MYH9: variants seen among roughly 807,000 people sequenced by gnomAD.
MYH9 encodes myosin heavy chain 9, also known as myosin-9.
A neutral mutation model predicts 241.9 loss-of-function variants in MYH9; 29 were observed. The ratio of observed to expected loss-of-function variants is 0.12; its 90% CI spans 0.09 to 0.16. The LOEUF (loss-of-function observed/expected upper bound fraction) is 0.16. MYH9 is among the 10% of genes least tolerant of loss of function. The probability of loss-of-function intolerance (pLI) is 1.00; values close to 1 mark genes in which losing one functional copy is unlikely to be tolerated. For synonymous variants in MYH9, 1,047 were observed against 1,062.6 expected, an observed-to-expected ratio of 0.99 and a Z score of 0.29; for missense variants, 1,803 against 2,595.5, an observed-to-expected ratio of 0.69 and a Z score of 6.63.
chr22:36,338,278 G>A (rs2017529998), intron 3 of MYH9, among the ~76,000 whole-genome samples: 1 of 151,936 alleles, frequency 6.6e-6, no homozygotes, highest in Non-Finnish European at 1.5e-5. Flanking sequence ...GGGATTACAG[G>A]TGTAAGCCAC....
At chr22:36,341,249 C>A (rs1348325149) in intron 3 of MYH9, 121 bp downstream of exon 3, 4 of 1,258,888 alleles carry the variant, frequency 3.2e-6, no homozygotes, top group Non-Finnish European at 4.6e-6. Context: ...CTCCATGATG[C>A]ACTGCCCATC....
chr22:36,360,033 C>CCACCACCAT (rs1260838646), intron 1 of MYH9, among the ~76,000 whole-genome samples: 1 of 127,766 alleles, frequency 7.8e-6, no homozygotes, highest in Non-Finnish European at 1.7e-5. Flanking sequence ...AGGACAAACA[C>CCACCACCAT]CACCACCACC....
intron 5 of MYH9, among the ~76,000 whole-genome samples, chr22:36,324,600 A>G (rs923592656): frequency 5.3e-5 from 8 of 152,240 alleles, no homozygotes; most frequent in Admixed American, 2.0e-4. Context: ...GGGAGGGTCA[A>G]CTCGGTCACT....
Position 36,300,842 on chromosome 22 carries a change from G to A in MYH9, c.2838+9C>T, listed in dbSNP as rs756525356. 2.5e-6 allele frequency: 4 copies of A among 1,599,984 alleles called. No homozygotes were observed. The South Asian group carries it at 3.3e-5, about 13-fold the overall frequency. ...GCGCCACCCCTCCCCGGGTGCAGCG[G>A]GCAGGAACCTGGATGTTCTGCTGCA... is the stretch of plus-strand genomic sequence containing the variant. On this transcript the variant is annotated intron_variant, in intron 22 of 40. Transcript: ENST00000216181. The surrounding 1 kb of genome is among the most constrained non-coding windows in gnomAD (Gnocchi z 5.0).
In MYH9 at chr22:36,291,996, T is replaced by C. The variant is rs748363414; in HGVS notation, c.4334A>G (p.Lys1445Arg). The C allele has an allele frequency of 1.2e-6, 2 of 1,614,192 alleles. No homozygotes were observed. Among genetic ancestry groups the C allele is most frequent in the South Asian group, 2.2e-5 (2 of 91,086 alleles). The change falls in exon 31 of 41, where the codon AAG becomes AGG. Residue 1445 changes from lysine to arginine, a missense_variant. Lys to Arg is a conservative substitution (Grantham distance 26). Around this residue, in one of 11 missense-constraint regions of MYH9, gnomAD observed 876 missense variants for 1,077.8 expected, o/e 0.81. Coordinates refer to ENST00000216181, the MANE Select transcript of MYH9 (RefSeq NM_002473.6). ...CCAACGGCCACACACCTGGTCAAAC[T>C]TCTTCTGCTTCTTCTCCAGGTTGCA... ...SACNLEKKQK[K>R]FDQLLAEEKT...
rs868620994 is a variant in MYH9, at chr22:36,384,157, G to A, written c.-20+3650C>T. The stretch of plus-strand genomic sequence containing the variant: ...ATGGTGGCAGGCACCTGTAATCCCA[G>A]CTACTCGGGAGACTGAGGCAGAAGA... On this transcript the variant is annotated intron_variant, in intron 1 of 40. Transcript: ENST00000216181. Among the ~76,000 whole-genome samples the A allele has an allele frequency of 4.4e-4, 67 of 151,934 alleles. 1 individual carries two copies. The Middle Eastern group carries it at 0.01, about 23-fold the overall frequency.
rs181938815 is a variant in MYH9, at chr22:36,359,327, G to A, written c.-19-10072C>T. On this transcript the variant is annotated intron_variant, in intron 1 of 40. Coordinates refer to ENST00000216181, the MANE Select transcript of MYH9 (RefSeq NM_002473.6). ...AAATGAGAAACAAGGCCAAAATGAGGAAGAAAGACTTAATGGGGAAGGTCC... is the reference window on the plus strand; with the variant it reads ...AAATGAGAAACAAGGCCAAAATGAGAAAGAAAGACTTAATGGGGAAGGTCC... Among the ~76,000 whole-genome samples, 279 of 152,322 alleles carry A rather than the reference G, an allele frequency of 1.8e-3. 1 individual carries two copies. Among genetic ancestry groups the A allele is most frequent in the Admixed American group, 5.0e-3 (76 of 15,296 alleles).
chr22:36,361,665 G>A (rs555337195), intron 1 of MYH9, among the ~76,000 whole-genome samples: 1 of 152,322 alleles, frequency 6.6e-6, no homozygotes, highest in East Asian at 1.9e-4. Flanking sequence ...GGGACAGGCT[G>A]GAGGAGATAA....
At chr22:36,314,014 C>T (rs2017110333) in intron 13 of MYH9, 131 bp downstream of exon 13, 2 of 1,237,044 alleles carry the variant, frequency 1.6e-6, no homozygotes, top group East Asian at 2.5e-5. Flanking sequence ...GGGCTTCATC[C>T]TCCGGGTGGC....
intron 1 of MYH9, among the ~76,000 whole-genome samples, chr22:36,384,481 G>C (rs1366441025): frequency 2.1e-5 from 3 of 143,140 alleles, no homozygotes; most frequent in African/African-American, 7.8e-5. Context: ...TACTCGGGAG[G>C]CTGAGGCAGG....
intron 31 of MYH9, among the ~76,000 whole-genome samples, chr22:36,291,056 G>T (rs940919382): frequency 2.5e-4 from 37 of 149,874 alleles, no homozygotes; most frequent in Non-Finnish European, 4.8e-4. Context: ...GGAGGGAGGT[G>T]GGGGGGTCAG....
intron 40 of MYH9, among the ~76,000 whole-genome samples, chr22:36,283,224 C>T (rs2016521461): frequency 6.6e-6 from 1 of 152,132 alleles, no homozygotes; most frequent in South Asian, 2.1e-4. Flanking sequence ...ACAATACTGA[C>T]TACTTATGCT....
Position 36,292,342 on chromosome 22 carries a change from C to T in MYH9, c.4096-108G>A, listed in dbSNP as rs992824026. The T allele has an allele frequency of 1.0e-5, 15 of 1,468,568 alleles. No homozygotes were observed. In the African/African-American group the frequency reaches 1.9e-4, roughly 19 times the overall value. 91.0% of individuals were successfully genotyped at this position (1,468,568 alleles called of 1,614,324 possible). ...TGCCTGCCACACCGTGGAAGGGGCA[C>T]CAGGGATCTGCCCAGTTATGAAACC... is the stretch of plus-strand genomic sequence containing the variant. On this transcript the variant is annotated intron_variant, in intron 30 of 40. Transcript: ENST00000216181.
chr22:36,288,673 C>T lies in MYH9; in HGVS notation c.4770+54G>A, dbSNP rs570599138. 1.5e-5 allele frequency: 24 copies of T among 1,586,708 alleles called. No individual in the cohort carries two copies. Among genetic ancestry groups the T allele is most frequent in the South Asian group, 5.5e-5 (5 of 90,736 alleles). On this transcript the variant is annotated intron_variant, in intron 33 of 40. Coordinates refer to ENST00000216181, the MANE Select transcript of MYH9 (RefSeq NM_002473.6). This position sits in a 1 kb window ranked among gnomAD's most constrained non-coding sequence, Gnocchi z 4.8. ...GGTGGAAGGAGAGAACAGAAGCCTG[C>T]GTGAAGCCAAGGCAGCCTTGGGCAC...
rs1043580254 is a variant in MYH9, at chr22:36,281,493, G to C, written c.*1175C>G. The C allele has an allele frequency of 4.4e-6, 1 of 226,040 alleles. No individual in the cohort carries two copies. The highest frequency in any genetic ancestry group is 2.3e-5 in the African/African-American group (1 of 43,402). 14.0% of individuals were successfully genotyped at this position (226,040 alleles called of 1,614,324 possible). ...GCTTTTATATCACTTCATGATTTGA[G>C]AGTTTGTTTCCTTTAAAAAAAAAAA... On this transcript the variant is annotated 3_prime_UTR_variant, in exon 41 of 41. Transcript: ENST00000216181.
chr22:36,289,184 C>G lies in MYH9; in HGVS notation c.4458G>C (p.Glu1486Asp). 1.2e-6 allele frequency: 2 copies of G among 1,613,718 alleles called. No individual in the cohort carries two copies. Among genetic ancestry groups the G allele is most frequent in the Non-Finnish European group, 1.7e-6 (2 of 1,180,032 alleles). The stretch of plus-strand genomic sequence containing the variant: ...GCTCCGCCTTCTGCTCCATGGCTTC[C>G]TCCAGGGCCCGGGCCAGCGACAGAG... ...TKALSLARAL[E>D]EAMEQKAELE... is the part of the protein sequence containing the mutation. The change falls in exon 32 of 41, where the codon GAG (glutamate) becomes GAC (aspartate). Residue 1486 changes from glutamate to aspartate, a missense_variant. Transcript: ENST00000216181.
chr22:36,382,423 C>G (rs534391106), intron 1 of MYH9, among the ~76,000 whole-genome samples: 4 of 151,426 alleles, frequency 2.6e-5, no homozygotes, highest in Non-Finnish European at 5.9e-5. Context: ...TGCAGTGAGC[C>G]GAGATCACAC....
intron 1 of MYH9, among the ~76,000 whole-genome samples, chr22:36,363,203 C>T (rs1377783144): frequency 1.3e-5 from 2 of 152,186 alleles, no homozygotes; most frequent in Non-Finnish European, 2.9e-5. Context: ...CCTTCTCCCT[C>T]CTCCCCAACA....
rs1343411512 is a variant in MYH9, at chr22:36,312,129, G to A, written c.1648C>T (p.Gln550Ter). 6.2e-7 allele frequency: 1 copy of A among 1,614,176 alleles called. No individual in the cohort carries two copies. Among genetic ancestry groups the A allele is most frequent in the Admixed American group, 1.7e-5 (1 of 60,026 alleles). The change falls in exon 14 of 41, where the codon CAG (glutamine) becomes TAG (stop). Residue 550 changes from glutamine (Q) to a stop codon, truncating the protein, a stop_gained. Transcript: ENST00000216181. LOFTEE classifies it high-confidence loss of function. The part of the protein sequence containing the change: ...KSFVEKVMQE[Q>*]GTHPKFQKPK... Reference sequence around the variant, plus strand: ...TTCTGGAACTTGGGGTGGGTGCCCTGCTCCTGCATCACCTTCTCCACGAAG... The same window carrying A: ...TTCTGGAACTTGGGGTGGGTGCCCTACTCCTGCATCACCTTCTCCACGAAG...
Sources: allele counts gnomAD v4.1 joint callset (sites outside exome capture counted in the v4.1 genomes callset), GRCh38; gene constraint gnomAD v4.1.1; regional missense constraint gnomAD v4.1.1; non-coding constraint Gnocchi (gnomAD v3.1); transcripts MANE v1.5; gene names NCBI Gene and HGNC (gene_info 2026-07-23, HGNC 2026-07-21).